Variants in TRPM3 observed in about 807,000 individuals in gnomAD.
The protein encoded by TRPM3 is transient receptor potential cation channel subfamily M member 3.
TRPM3 carries 77 observed loss-of-function variants against 181.2 expected under a neutral mutation model. The observed-to-expected ratio is 0.42, with a 90% CI of 0.35 to 0.51. TRPM3 has a LOEUF of 0.51. Ranked by LOEUF, TRPM3 falls within the 20% of genes least tolerant of loss-of-function variation. The pLI is 0.01. For missense variants in TRPM3, 1,759 were observed against 2,196.7 expected, an observed-to-expected ratio of 0.80 and a Z score of 3.98; for synonymous variants, 745 against 796.4, an observed-to-expected ratio of 0.94 and a Z score of 1.09.
intron 22 of TRPM3, among the ~76,000 whole-genome samples, chr9:70,582,184 G>A (rs1025368030): frequency 3.4e-4 from 9 of 26,408 alleles, no homozygotes; most frequent in Admixed American, 1.2e-3. Flanking sequence ...CCCTGTGCGT[G>A]TGTGTGTGTG....
At chr9:71,026,845 AACACACAC>A (rs945965632) in intron 1 of TRPM3, among the ~76,000 whole-genome samples, 1 of 152,136 alleles carries the variant, frequency 6.6e-6, no homozygotes, top group South Asian at 2.1e-4. Context: ...CACTGGCACC[AACACACAC>A]ACAGTCGCAG....
At chr9:71,422,482 C>T (rs1361397687) in intron 1 of TRPM3, among the ~76,000 whole-genome samples, 3 of 152,034 alleles carry the variant, frequency 2.0e-5, no homozygotes, top group African/African-American at 7.2e-5. Flanking sequence ...GTGATGCCCC[C>T]TTGACCACAT....
intron 6 of TRPM3, among the ~76,000 whole-genome samples, chr9:70,802,006 A>C (rs1195616904): frequency 2.6e-5 from 4 of 152,262 alleles, no homozygotes; most frequent in South Asian, 2.1e-4. Context: ...GCTGGACCCC[A>C]CCTCCAGAGC....
In TRPM3 at chr9:71,282,066, A is replaced by G. The variant is rs12377773; in HGVS notation, c.183+164587T>C. Among the ~76,000 whole-genome samples, 622 of 73,620 alleles carry G rather than the reference A, an allele frequency of 8.4e-3. 4 individuals carry two copies. Among genetic ancestry groups the G allele is most frequent in the African/African-American group, 0.02 (261 of 12,950 alleles). The allele number at this position is 73,620 out of a possible 152,430, so 48.3% of individuals were successfully genotyped here. A position where few individuals can be genotyped will look rare whatever the true frequency, so the allele number is the denominator to read the frequency against. ...ACAAGGGCAAAACAGAAAGAGAGAA[A>G]GAAAGGAAAGAAAGGAAAGAAAGAG... On this transcript the variant is annotated intron_variant, in intron 1 of 24. Transcript: ENST00000357533.
chr9:70,802,435 C>T (rs1328152), intron 6 of TRPM3, among the ~76,000 whole-genome samples: 1 of 152,090 alleles, frequency 6.6e-6, no homozygotes, highest in Non-Finnish European at 1.5e-5. Context: ...TTGCAATAAA[C>T]CTTTACTTAC....
intron 1 of TRPM3, among the ~76,000 whole-genome samples, chr9:71,077,610 G>C (rs570633587): frequency 1.3e-5 from 2 of 152,240 alleles, no homozygotes; most frequent in South Asian, 4.1e-4. Flanking sequence ...CTATAAACAT[G>C]AGTTCCTCTT....
At chr9:70,945,321 T>G (rs1048282789) in intron 1 of TRPM3, among the ~76,000 whole-genome samples, 1 of 152,190 alleles carries the variant, frequency 6.6e-6, no homozygotes, top group Non-Finnish European at 1.5e-5. Context: ...ATACAGCCAG[T>G]CTCTTCTTTT....
intron 1 of TRPM3, among the ~76,000 whole-genome samples, chr9:71,279,144 G>A (rs1156494811): frequency 6.6e-6 from 1 of 151,654 alleles, no homozygotes; most frequent in Non-Finnish European, 1.5e-5. Context: ...GAAATGAAAG[G>A]AATTTGATTT....
At chr9:70,859,101 G>C (rs571276164) in intron 3 of TRPM3, among the ~76,000 whole-genome samples, 1 of 152,130 alleles carries the variant, frequency 6.6e-6, no homozygotes, top group Non-Finnish European at 1.5e-5. Flanking sequence ...CCCATGGCAG[G>C]GGTCACCCAT....
intron 1 of TRPM3, among the ~76,000 whole-genome samples, chr9:71,211,907 A>G (rs1179618381): frequency 6.6e-6 from 1 of 152,172 alleles, no homozygotes; most frequent in African/African-American, 2.4e-5. Flanking sequence ...ACTTCAACCC[A>G]TAACATCCTT....
chr9:70,594,066 C>A (rs565721937), intron 21 of TRPM3, among the ~76,000 whole-genome samples: 6 of 148,462 alleles, frequency 4.0e-5, no homozygotes, highest in Admixed American at 1.4e-4. Context: ...TGGAAAAAAA[C>A]TCACACAAAA....
chr9:70,645,631 T>C lies in TRPM3; in HGVS notation c.1346-4971A>G, dbSNP rs138005267. Among the ~76,000 whole-genome samples, 247 of 151,496 alleles carry C rather than the reference T, an allele frequency of 1.6e-3. 1 individual carries two copies. The highest frequency in any genetic ancestry group is 4.8e-3 in the East Asian group (25 of 5,156). On this transcript the variant is annotated intron_variant, in intron 9 of 25. Coordinates refer to ENST00000677713, the MANE Select transcript of TRPM3 (RefSeq NM_001366145.2). The stretch of plus-strand genomic sequence containing the variant: ...CTAGAAGAAAACCTAGGCAATACCA[T>C]CCAGGACACAGGCATGGGCAAAGAC...
chr9:71,382,864 G>A (rs2092835528), intron 1 of TRPM3, among the ~76,000 whole-genome samples: 1 of 151,770 alleles, frequency 6.6e-6, no homozygotes, highest in South Asian at 2.1e-4. Context: ...CACTGGGATG[G>A]TTTATATAAT....
intron 1 of TRPM3, among the ~76,000 whole-genome samples, chr9:71,020,501 C>T (rs1227672335): frequency 6.6e-6 from 1 of 150,746 alleles, no homozygotes; most frequent in Non-Finnish European, 1.5e-5. Context: ...AAATTCTGCT[C>T]ACCTAGACAG....
chr9:71,301,417 G>C (rs991447869), intron 1 of TRPM3, among the ~76,000 whole-genome samples: 1 of 152,150 alleles, frequency 6.6e-6, no homozygotes, highest in Non-Finnish European at 1.5e-5. Flanking sequence ...GGGTCACTGA[G>C]TATGTATCAC....
At chr9:70,828,043 C>A (rs1179987572) in intron 5 of TRPM3, 25 bp from the exon 6 acceptor site, 4 of 1,584,678 alleles carry the variant, frequency 2.5e-6, no homozygotes, top group South Asian at 2.3e-5. Flanking sequence ...ATGGAAGAGG[C>A]AGAAGTCAGA....
chr9:71,252,222 A>G (rs1282689855), intron 1 of TRPM3, among the ~76,000 whole-genome samples: 1 of 150,828 alleles, frequency 6.6e-6, no homozygotes, highest in Non-Finnish European at 1.5e-5. Flanking sequence ...TTTTTTTTTT[A>G]GGTTCTCTAA....
At chr9:70,799,115 T>A (rs2088113177) in intron 6 of TRPM3, among the ~76,000 whole-genome samples, 1 of 152,244 alleles carries the variant, frequency 6.6e-6, no homozygotes, top group Non-Finnish European at 1.5e-5. Context: ...AGGTTTACAT[T>A]CTTCCCCTTG....
intron 1 of TRPM3, among the ~76,000 whole-genome samples, chr9:71,017,077 A>T (rs1473776904): frequency 6.6e-6 from 1 of 152,114 alleles, no homozygotes; most frequent in African/African-American, 2.4e-5. Flanking sequence ...TACTGTTAAA[A>T]ATATTTTCAC....
Sources: allele counts gnomAD v4.1 joint callset (sites outside exome capture counted in the v4.1 genomes callset), GRCh38; gene constraint gnomAD v4.1.1; transcripts MANE v1.5; gene names NCBI Gene and HGNC (gene_info 2026-07-23, HGNC 2026-07-21).